SYNE2: variants seen among roughly 807,000 people sequenced by gnomAD.
SYNE2 encodes nesprin-2.
Under a neutral mutation model 856.3 loss-of-function variants are expected in SYNE2, and 431 were observed. That is an observed-to-expected ratio of 0.50 (90% CI 0.47 to 0.55). The LOEUF (loss-of-function observed/expected upper bound fraction) is 0.55. Among genes scored for constraint, SYNE2 ranks in the 20% least tolerant of loss-of-function variants. SYNE2 has a pLI of 0.00. For synonymous variants in SYNE2, 2,923 were observed against 2,872.3 expected (o/e 1.02, Z -0.56); for missense variants, 8,129 against 8,023.2 (o/e 1.01, Z -0.50).
intron 45 of SYNE2, among the ~76,000 whole-genome samples, chr14:64,044,017 C>T (rs914125260): frequency 2.0e-5 from 3 of 152,176 alleles, no homozygotes; most frequent in East Asian, 3.8e-4. Flanking sequence ...GCCACCACAC[C>T]GAGCAAATGC....
At chr14:64,103,742 C>T (rs1367719096) in intron 64 of SYNE2, among the ~76,000 whole-genome samples, 2 of 152,138 alleles carry the variant, frequency 1.3e-5, no homozygotes, top group African/African-American at 4.8e-5. Context: ...GGCCCCACTA[C>T]TTCAAACAGA....
At chr14:64,028,105 A>G (rs1190473864) in intron 43 of SYNE2, among the ~76,000 whole-genome samples, 1 of 151,070 alleles carries the variant, frequency 6.6e-6, no homozygotes, top group African/African-American at 2.4e-5. Flanking sequence ...GGGTTTTGCC[A>G]TGTTGCCCAG....
chr14:64,037,542 G>A (rs950017473), intron 45 of SYNE2, among the ~76,000 whole-genome samples: 9 of 149,802 alleles, frequency 6.0e-5, no homozygotes, highest in East Asian at 6.0e-4. Context: ...TTTCTACACA[G>A]ACACGGCAAC....
At chr14:63,984,957 A>T (rs2096613589) in intron 18 of SYNE2, among the ~76,000 whole-genome samples, 1 of 152,176 alleles carries the variant, frequency 6.6e-6, no homozygotes, top group Non-Finnish European at 1.5e-5. Flanking sequence ...CAAGTTCGAG[A>T]CCAACCTGGG....
intron 1 of SYNE2, among the ~76,000 whole-genome samples, chr14:63,808,212 G>A (rs1480910308): frequency 6.9e-6 from 1 of 145,170 alleles, no homozygotes; most frequent in African/African-American, 2.5e-5. Context: ...ACAGGTGTGA[G>A]CCACTGCACC....
chr14:64,174,053 G>A, intron 94 of SYNE2: 1 of 548,382 alleles, frequency 1.8e-6, no homozygotes, highest in East Asian at 3.2e-5. Flanking sequence ...AAATAAACAA[G>A]ACCTTGTCTC....
In SYNE2 at chr14:63,802,297, G is replaced by A. The variant is rs1888166620; in HGVS notation, c.-305+40311G>A. Among the ~76,000 whole-genome samples the A allele has an allele frequency of 2.0e-5, 3 of 150,192 alleles. No individual in the cohort carries two copies. In the Admixed American group the frequency reaches 2.0e-4, roughly 10 times the overall value. On this transcript the variant is annotated intron_variant, in intron 1 of 23. Coordinates refer to the SYNE2 transcript ENST00000674003. ...AATTTTTGTATTTTTAGTAGAGACG[G>A]GGTTTCACTATGTTGGCCAGGCTGG...
chr14:63,954,734 T>A lies in SYNE2; in HGVS notation c.606T>A (p.Asn202Lys). Residue 202 changes from asparagine to lysine, a missense_variant, in exon 8 of 116, where the codon AAT (asparagine) becomes AAA (lysine). Physicochemically the swap from Asn to Lys is moderately conservative, Grantham distance 94 (BLOSUM62 0). Coordinates refer to ENST00000555002, the MANE Select transcript of SYNE2 (RefSeq NM_182914.3). Reference protein sequence around the residue: ...QEQCATYESVNVTDFKSSWRN... With the variant: ...QEQCATYESVKVTDFKSSWRN... ...TTTATGATAGCTATGAGTCTGTCAA[T>A]GTGACCGATTTTAAGTCAAGTTGGA... is the stretch of plus-strand genomic sequence containing the variant. 1 of 1,614,094 alleles carries A rather than the reference T, an allele frequency of 6.2e-7. No individual in the cohort carries two copies. Among genetic ancestry groups the A allele is most frequent in the Non-Finnish European group, 8.5e-7 (1 of 1,179,982 alleles).
intron 41 of SYNE2, 132 bp downstream of exon 41, chr14:64,025,553 C>A: frequency 2.2e-6 from 2 of 895,910 alleles, no homozygotes; most frequent in Non-Finnish European, 1.7e-6. Flanking sequence ...AAATTCAGAT[C>A]ACTGAGCTTA....
At position 64,165,323 on chromosome 14, in the gene SYNE2, G is replaced by A. The variant is rs2153721048; in HGVS notation, c.16518G>A (p.Leu5506=). 9.9e-6 allele frequency: 16 copies of A among 1,613,886 alleles called. No individual in the cohort carries two copies. Among genetic ancestry groups the A allele is most frequent in the Non-Finnish European group, 1.3e-5 (15 of 1,179,894 alleles). ...AGTTTAAGGATTTTGGAGTCCGGCT[G>A]GAATCTTTAAAAGGTCTTATTATGC... The part of the protein sequence containing the change: ...LSQFKDFGVR[L]ESLKGLIMHE... Residue 5506 remains leucine (L), a synonymous_variant, in exon 90 of 116, where the codon CTG becomes CTA. Coordinates refer to ENST00000555002, the MANE Select transcript of SYNE2 (RefSeq NM_182914.3).
intron 1 of SYNE2, among the ~76,000 whole-genome samples, chr14:63,880,084 T>A (rs1236801995): frequency 6.6e-6 from 1 of 152,228 alleles, no homozygotes; most frequent in Non-Finnish European, 1.5e-5. Flanking sequence ...TTTTATTTTA[T>A]TTTATTCATT....
intron 21 of SYNE2, among the ~76,000 whole-genome samples, chr14:63,993,225 A>G (rs1416797746): frequency 1.3e-5 from 2 of 152,200 alleles, no homozygotes; most frequent in Non-Finnish European, 2.9e-5. Flanking sequence ...TAACCTTTCT[A>G]TAAATTTTGT....
intron 60 of SYNE2, among the ~76,000 whole-genome samples, chr14:64,091,316 A>G (rs539569769): frequency 1.3e-5 from 2 of 152,190 alleles, no homozygotes; most frequent in African/African-American, 4.8e-5. Context: ...AAGAGAGTCA[A>G]ACCTGAACAA....
At chr14:64,164,938 C>T (rs751493194) in intron 89 of SYNE2, among the ~76,000 whole-genome samples, 6 of 151,512 alleles carry the variant, frequency 4.0e-5, no homozygotes, top group Non-Finnish European at 5.9e-5. Flanking sequence ...CCCAGGCTGG[C>T]GTGCAGTGGC....
chr14:64,118,448 G>C (rs545318680), intron 66 of SYNE2, among the ~76,000 whole-genome samples: 1 of 152,340 alleles, frequency 6.6e-6, no homozygotes, highest in African/African-American at 2.4e-5. Flanking sequence ...GGTGTTGTGA[G>C]AGTTTGGAGG....
At chr14:63,993,162 T>C (rs1329702344) in intron 21 of SYNE2, among the ~76,000 whole-genome samples, 1 of 152,204 alleles carries the variant, frequency 6.6e-6, no homozygotes, top group Non-Finnish European at 1.5e-5. Context: ...ACTTTGAAGT[T>C]GATGGTGAAA....
chr14:64,218,321 A>T, intron 108 of SYNE2, 77 bp from the exon 109 acceptor site: 2 of 1,304,614 alleles, frequency 1.5e-6, no homozygotes. Flanking sequence ...CTTCACTGTT[A>T]ATATGAAATG....
chr14:64,151,881 G>A (rs1223018392), intron 84 of SYNE2, among the ~76,000 whole-genome samples: 2 of 152,110 alleles, frequency 1.3e-5, no homozygotes, highest in African/African-American at 2.4e-5. Context: ...TCCTGAGAAG[G>A]ACAAATAAGC....
chr14:63,842,462 C>CTTTTT (rs111976320), intron 1 of SYNE2, among the ~76,000 whole-genome samples: 1 of 148,070 alleles, frequency 6.8e-6, no homozygotes, highest in Non-Finnish European at 1.5e-5. Flanking sequence ...TTCTTTTTCT[C>CTTTTT]CTTTTTTTTT....
Sources: allele counts gnomAD v4.1 joint callset (sites outside exome capture counted in the v4.1 genomes callset), GRCh38; gene constraint gnomAD v4.1.1; transcripts MANE v1.5; gene names NCBI Gene and HGNC (gene_info 2026-07-23, HGNC 2026-07-21).